The following PLPPR5 variants were observed in gnomAD, a reference collection of about 807,000 sequenced individuals.
PLPPR5 encodes phospholipid phosphatase related 5.
A neutral mutation model predicts 33.9 loss-of-function variants in PLPPR5; 16 were observed. The ratio of observed to expected loss-of-function variants is 0.47; its 90% CI spans 0.32 to 0.72. PLPPR5 has a LOEUF of 0.72. Among genes scored for constraint, PLPPR5 ranks in the 30% least tolerant of loss-of-function variants. The pLI is 0.03. For synonymous variants in PLPPR5, 163 were observed against 150.3 expected, an observed-to-expected ratio of 1.08 and a Z score of -0.62; for missense variants, 301 against 406.7, an observed-to-expected ratio of 0.74 and a Z score of 2.23.
chr1:98,960,526 A>G (rs1651207557), intron 1 of PLPPR5, among the ~76,000 whole-genome samples: 1 of 152,222 alleles, frequency 6.6e-6, no homozygotes. Flanking sequence ...AATTCAAATA[A>G]TGAAAATAAA....
At chr1:98,898,774 C>T (rs1034683457) in intron 5 of PLPPR5, among the ~76,000 whole-genome samples, 1 of 152,094 alleles carries the variant, frequency 6.6e-6, no homozygotes. Context: ...CCTTTCTGTA[C>T]AGTGGTTCTG....
chr1:98,969,931 C>T (rs1191958583), intron 1 of PLPPR5, among the ~76,000 whole-genome samples: 1 of 151,980 alleles, frequency 6.6e-6, no homozygotes, highest in African/African-American at 2.4e-5. Context: ...AGAAAATAGG[C>T]TTTTGAGGTG....
At chr1:98,945,819 T>C (rs1650527011) in intron 3 of PLPPR5, among the ~76,000 whole-genome samples, 2 of 152,182 alleles carry the variant, frequency 1.3e-5, no homozygotes, top group Admixed American at 6.5e-5. Context: ...TTAGCCATAG[T>C]GTAAGTAAGC....
chr1:98,934,131 A>C (rs11166140), intron 3 of PLPPR5, among the ~76,000 whole-genome samples: 3 of 152,128 alleles, frequency 2.0e-5, no homozygotes, highest in Non-Finnish European at 4.4e-5. Context: ...TCTGGGATAA[A>C]TGTCCATGGG....
At chr1:98,952,354 C>T (rs965337241) in intron 3 of PLPPR5, among the ~76,000 whole-genome samples, 1 of 151,682 alleles carries the variant, frequency 6.6e-6, no homozygotes, top group Non-Finnish European at 1.5e-5. Flanking sequence ...TCCTGAGCTG[C>T]AAGGTACATC....
chr1:98,952,976 AG>A, intron 3 of PLPPR5, 93 bp downstream of exon 3: 4 of 1,446,382 alleles, frequency 2.8e-6, no homozygotes, highest in Non-Finnish European at 3.8e-6. Context: ...ATGTGCTTTA[AG>A]TGACTTTCAT....
At chr1:99,001,607 G>A (rs757796354) in intron 1 of PLPPR5, among the ~76,000 whole-genome samples, 2 of 147,252 alleles carry the variant, frequency 1.4e-5, no homozygotes, top group Non-Finnish European at 1.5e-5. Context: ...TGTAGACTGT[G>A]GTAGTGAGGA....
intron 1 of PLPPR5, among the ~76,000 whole-genome samples, chr1:98,958,391 CTCTT>C (rs1651097941): frequency 2.2e-5 from 3 of 135,002 alleles, no homozygotes; most frequent in Admixed American, 8.1e-5. Flanking sequence ...CCCCCTTTTC[CTCTT>C]TCTTTTTTTA....
Position 98,953,246 on chromosome 1 carries a change from G to C in PLPPR5, c.445C>G (p.Pro149Ala). The C allele has an allele frequency of 1.2e-6, 2 of 1,613,992 alleles. No homozygotes were observed. The highest frequency in any genetic ancestry group is 1.7e-6 in the Non-Finnish European group (2 of 1,179,990). The change falls in exon 3 of 6, where the codon CCA becomes GCA. Residue 149 changes from proline to alanine, a missense_variant. By Grantham distance (27) the Pro-to-Ala change is conservative. Coordinates refer to ENST00000263177, the MANE Select transcript of PLPPR5 (RefSeq NM_001037317.2). ...AGQVVTGNLA[P>A]HFLALCKPNY... ...GGCTTACACAGGGCAAGGAAATGTG[G>C]GGCCAGATTTCCTGTGACTACTTGT... is the stretch of plus-strand genomic sequence containing the variant.
chr1:98,899,035 A>G (rs1648585105), intron 5 of PLPPR5, among the ~76,000 whole-genome samples: 1 of 152,148 alleles, frequency 6.6e-6, no homozygotes, highest in Non-Finnish European at 1.5e-5. Context: ...AGAGGCACTG[A>G]TTCTCTACTG....
intron 3 of PLPPR5, among the ~76,000 whole-genome samples, chr1:98,952,088 C>A (rs528545304): frequency 2.0e-5 from 3 of 152,036 alleles, no homozygotes; most frequent in African/African-American, 7.2e-5. Context: ...CATGGTGAAA[C>A]CCCATCTCTA....
chr1:99,005,337 A>G (rs1441756479), upstream of PLPPR5, among the ~76,000 whole-genome samples: 1 of 152,116 alleles, frequency 6.6e-6, no homozygotes, highest in Non-Finnish European at 1.5e-5. Flanking sequence ...CAGAGTTTCA[A>G]CCGGTGCGTT....
chr1:98,925,928 A>T (rs1649742152), intron 3 of PLPPR5, among the ~76,000 whole-genome samples: 1 of 152,124 alleles, frequency 6.6e-6, no homozygotes, highest in African/African-American at 2.4e-5. Flanking sequence ...GTTATAATTT[A>T]TTTTCATTGT....
intron 3 of PLPPR5, among the ~76,000 whole-genome samples, chr1:98,947,742 A>G (rs544266626): frequency 2.0e-5 from 3 of 152,332 alleles, no homozygotes; most frequent in East Asian, 3.9e-4. Context: ...CCCCAACTAC[A>G]TCAATAACAC....
At chr1:98,926,782 C>T (rs1179754015) in intron 3 of PLPPR5, among the ~76,000 whole-genome samples, 3 of 152,116 alleles carry the variant, frequency 2.0e-5, no homozygotes, top group Non-Finnish European at 4.4e-5. Context: ...AGGACAGAGC[C>T]TCATGGCACT....
In PLPPR5 at chr1:98,931,116, G is replaced by C. The variant is rs557351692; in HGVS notation, c.622-9058C>G. 3.3e-5 allele frequency among the ~76,000 whole-genome samples: 5 copies of C among 152,226 alleles called. No individual in the cohort carries two copies. In the East Asian group the frequency reaches 9.7e-4, roughly 29 times the overall value. On this transcript the variant is annotated intron_variant, in intron 3 of 5. Coordinates refer to ENST00000263177, the MANE Select transcript of PLPPR5 (RefSeq NM_001037317.2). ...GTCTCAGCTGTTGGAGGAGCAGGATGACTCTTTCTCACTTTGCTACCCAGT... is the reference window on the plus strand; with the variant it reads ...GTCTCAGCTGTTGGAGGAGCAGGATCACTCTTTCTCACTTTGCTACCCAGT...
At position 98,891,290 on chromosome 1, in the gene PLPPR5, A is replaced by G. The variant is rs1316293353; in HGVS notation, c.*1782T>C. On this transcript the variant is annotated 3_prime_UTR_variant, in exon 6 of 6. Coordinates refer to ENST00000263177, the MANE Select transcript of PLPPR5 (RefSeq NM_001037317.2). ...ACAGTGATAGAAATGGGCAAATAAC[A>G]TCTATTTGGGGAGTAATGGACAATC... is the stretch of plus-strand genomic sequence containing the variant. 1 of 152,028 alleles carries G rather than the reference A, an allele frequency of 6.6e-6. No homozygotes were observed. Among genetic ancestry groups the G allele is most frequent in the Admixed American group, 6.6e-5 (1 of 15,214 alleles). The allele number at this position is 152,028 out of a possible 1,614,324, so 9.4% of individuals were successfully genotyped here. A position where few individuals can be genotyped will look rare whatever the true frequency, so the allele number is the denominator to read the frequency against.
chr1:98,999,711 G>A (rs1056304603), intron 1 of PLPPR5, among the ~76,000 whole-genome samples: 25 of 152,170 alleles, frequency 1.6e-4, no homozygotes, highest in African/African-American at 5.3e-4. Flanking sequence ...TTGATCCAAT[G>A]GGGAGCTCTA....
intron 1 of PLPPR5, among the ~76,000 whole-genome samples, chr1:98,995,899 T>C (rs1243135744): frequency 6.6e-6 from 1 of 152,130 alleles, no homozygotes; most frequent in East Asian, 1.9e-4. Flanking sequence ...ATACCTTATC[T>C]AGTAAAAATA....
Sources: allele counts gnomAD v4.1 joint callset (sites outside exome capture counted in the v4.1 genomes callset), GRCh38; gene constraint gnomAD v4.1.1; transcripts MANE v1.5; gene names NCBI Gene and HGNC (gene_info 2026-07-23, HGNC 2026-07-21).